IGF1R: variants seen among roughly 807,000 people sequenced by gnomAD.
IGF1R encodes insulin-like growth factor 1 receptor.
IGF1R carries 44 observed loss-of-function variants against 144.6 expected under a neutral mutation model. That is an observed-to-expected ratio of 0.30 (90% CI 0.24 to 0.39). The LOEUF (loss-of-function observed/expected upper bound fraction) is 0.39. IGF1R is among the 10% of genes least tolerant of loss of function. The pLI is 1.00. For synonymous variants in IGF1R, 795 were observed against 722.8 expected (o/e 1.10, Z -1.60); for missense variants, 1,355 against 1,833.7 (o/e 0.74, Z 4.77).
chr15:98,764,434 AAC>A (rs1450834588), intron 2 of IGF1R, among the ~76,000 whole-genome samples: 1 of 152,244 alleles, frequency 6.6e-6, no homozygotes, highest in Non-Finnish European at 1.5e-5. Context: ...CTTCCTGAGT[AAC>A]ACACACAGAA....
At chr15:98,726,397 G>A (rs997882587) in intron 2 of IGF1R, among the ~76,000 whole-genome samples, 1 of 152,184 alleles carries the variant, frequency 6.6e-6, no homozygotes, top group Non-Finnish European at 1.5e-5. Context: ...CATGTTGGAT[G>A]AGTTCTTGAA....
chr15:98,827,250 A>G (rs1023503897), intron 2 of IGF1R, among the ~76,000 whole-genome samples: 1 of 152,180 alleles, frequency 6.6e-6, no homozygotes, highest in African/African-American at 2.4e-5. Flanking sequence ...AAAACAGGCA[A>G]ATCCACTGAC....
chr15:98,703,925 A>G (rs1054486557), intron 1 of IGF1R, among the ~76,000 whole-genome samples: 1 of 152,200 alleles, frequency 6.6e-6, no homozygotes, highest in Non-Finnish European at 1.5e-5. Flanking sequence ...AAAATCCAAA[A>G]TCCAGAATGC....
chr15:98,666,861 A>G (rs1349096397), intron 1 of IGF1R, among the ~76,000 whole-genome samples: 5 of 152,208 alleles, frequency 3.3e-5, no homozygotes, highest in Non-Finnish European at 7.3e-5. Context: ...GTGTCAGTGA[A>G]CTATACACTT....
At chr15:98,800,012 C>A (rs1043906563) in intron 2 of IGF1R, among the ~76,000 whole-genome samples, 3 of 152,114 alleles carry the variant, frequency 2.0e-5, no homozygotes, top group African/African-American at 7.2e-5. Context: ...AAAACCATTC[C>A]TGGTAAATTA....
intron 2 of IGF1R, among the ~76,000 whole-genome samples, chr15:98,807,552 C>T (rs1214959445): frequency 6.6e-6 from 1 of 152,196 alleles, no homozygotes; most frequent in African/African-American, 2.4e-5. Flanking sequence ...CCAAAACATC[C>T]ACTCAGCAGC....
intron 2 of IGF1R, among the ~76,000 whole-genome samples, chr15:98,723,119 C>T (rs147970338): frequency 2.6e-5 from 4 of 152,054 alleles, no homozygotes; most frequent in East Asian, 1.9e-4. Flanking sequence ...TACCTGACAA[C>T]GTCTCACGCT....
chr15:98,830,375 C>A (rs73481809), intron 2 of IGF1R, among the ~76,000 whole-genome samples: 3,234 of 152,330 alleles, frequency 0.021, 124 homozygotes, highest in African/African-American at 0.074. Flanking sequence ...ACTGGGGAAG[C>A]CTCCCATCGT....
chr15:98,771,759 C>T (rs2055592321), intron 2 of IGF1R, among the ~76,000 whole-genome samples: 1 of 151,892 alleles, frequency 6.6e-6, no homozygotes, highest in Non-Finnish European at 1.5e-5. Flanking sequence ...TTTAAGGTTA[C>T]GGTTAAGTTT....
At chr15:98,950,540 T>C (rs538341335) in intron 20 of IGF1R, among the ~76,000 whole-genome samples, 109 of 152,346 alleles carry the variant, frequency 7.2e-4, no homozygotes, top group Non-Finnish European at 1.2e-3. Context: ...TTTCAACTCT[T>C]GGAGGCCAAG....
chr15:98,792,356 A>G (rs1035043022), intron 2 of IGF1R, among the ~76,000 whole-genome samples: 7 of 152,236 alleles, frequency 4.6e-5, no homozygotes, highest in Admixed American at 3.3e-4. Context: ...AGGCATTTCT[A>G]TGCATCCTGA....
At chr15:98,920,710 C>T (rs550557212) in intron 10 of IGF1R, among the ~76,000 whole-genome samples, 4 of 152,286 alleles carry the variant, frequency 2.6e-5, no homozygotes, top group East Asian at 3.9e-4. Context: ...CAAATGTACA[C>T]GCCCTGACCT....
At chr15:98,850,475 AG>A (rs2011489280) in intron 2 of IGF1R, among the ~76,000 whole-genome samples, 1 of 152,194 alleles carries the variant, frequency 6.6e-6, no homozygotes, top group Non-Finnish European at 1.5e-5. Context: ...TGGTTCTTCC[AG>A]CAAACCATGC....
At chr15:98,679,112 C>T (rs181648649) in intron 1 of IGF1R, among the ~76,000 whole-genome samples, 165 of 152,008 alleles carry the variant, frequency 1.1e-3, no homozygotes, top group African/African-American at 3.6e-3. Flanking sequence ...TCGCTATGTT[C>T]CCATGCTGGT....
intron 2 of IGF1R, among the ~76,000 whole-genome samples, chr15:98,880,133 T>A (rs2013295101): frequency 6.6e-6 from 1 of 152,198 alleles, no homozygotes; most frequent in Non-Finnish European, 1.5e-5. Flanking sequence ...GTGAATTAGA[T>A]CTCAATAAAG....
intron 1 of IGF1R, among the ~76,000 whole-genome samples, chr15:98,688,028 G>C (rs1366327070): frequency 6.6e-6 from 1 of 152,158 alleles, no homozygotes; most frequent in Admixed American, 6.5e-5. Flanking sequence ...GTGCTCTGTG[G>C]TTTGTAGCAT....
Position 98,649,287 on chromosome 15 carries a change from A to G in IGF1R, c.-295A>G. The G allele has an allele frequency of 4.8e-6, 1 of 210,192 alleles. No individual in the cohort carries two copies. The highest frequency in any genetic ancestry group is 9.6e-6 in the Non-Finnish European group (1 of 104,076). The allele number at this position is 210,192 out of a possible 1,614,324, so 13.0% of individuals were successfully genotyped here. A position where few individuals can be genotyped will look rare whatever the true frequency, so the allele number is the denominator to read the frequency against. On this transcript the variant is annotated 5_prime_UTR_variant, in exon 1 of 21. Coordinates refer to ENST00000650285, the MANE Select transcript of IGF1R (RefSeq NM_000875.5). ...CCTGCCTCTCCGGGTTTGAAAATGG[A>G]GGCCGACGACGCCGACAGCCCGCCC... is the stretch of plus-strand genomic sequence containing the variant.
intron 2 of IGF1R, among the ~76,000 whole-genome samples, chr15:98,887,598 CAA>C (rs2013703220): frequency 6.6e-6 from 1 of 152,200 alleles, no homozygotes; most frequent in Non-Finnish European, 1.5e-5. Context: ...CCTCTAATGA[CAA>C]AGCATGGTGA....
rs536670696 is a variant in IGF1R, at chr15:98,962,620, G to A, written c.*5178G>A. ...GGAGAAGTGAGTGCTCCTTGATGGTGGAATGACCGGGTGGTGGGTACAGAA... is the reference window on the plus strand; with the variant it reads ...GGAGAAGTGAGTGCTCCTTGATGGTAGAATGACCGGGTGGTGGGTACAGAA... On this transcript the variant is annotated 3_prime_UTR_variant, in exon 21 of 21. Transcript: ENST00000650285. 64 of 233,834 alleles carry A rather than the reference G, an allele frequency of 2.7e-4. No homozygotes were observed. The highest frequency in any genetic ancestry group is 1.3e-3 in the African/African-American group (61 of 45,460). The allele number at this position is 233,834 out of a possible 1,614,324, so 14.5% of individuals were successfully genotyped here. A position where few individuals can be genotyped will look rare whatever the true frequency, so the allele number is the denominator to read the frequency against.
Sources: allele counts gnomAD v4.1 joint callset (sites outside exome capture counted in the v4.1 genomes callset), GRCh38; gene constraint gnomAD v4.1.1; transcripts MANE v1.5; gene names NCBI Gene and HGNC (gene_info 2026-07-23, HGNC 2026-07-21).